SFXN5: variants seen among roughly 807,000 people sequenced by gnomAD.
SFXN5 encodes sideroflexin 5.
A neutral mutation model predicts 50.2 loss-of-function variants in SFXN5; 43 were observed. The ratio of observed to expected loss-of-function variants is 0.86; its 90% CI spans 0.67 to 1.11. The LOEUF (loss-of-function observed/expected upper bound fraction) is 1.11, where lower values mean the gene tolerates loss of function less well. Among genes scored for constraint, SFXN5 ranks in the 50% least tolerant of loss-of-function variants. The probability of loss-of-function intolerance (pLI) is 0.00; values close to 1 mark genes in which losing one functional copy is unlikely to be tolerated. For synonymous variants in SFXN5, 203 were observed against 185.8 expected, an observed-to-expected ratio of 1.09 and a Z score of -0.75; for missense variants, 463 against 454.1, an observed-to-expected ratio of 1.02 and a Z score of -0.18.
rs900010337 is a variant in SFXN5, at chr2:72,961,590, G to A, written c.828-342C>T. ...CCTATGTGGGAGAGACACTCAAAGAGGCTGTCGGCCCCTGTTCCTGGGGAG... is the reference window on the plus strand; with the variant it reads ...CCTATGTGGGAGAGACACTCAAAGAAGCTGTCGGCCCCTGTTCCTGGGGAG... On this transcript the variant is annotated intron_variant, in intron 12 of 13. Coordinates refer to ENST00000272433, the MANE Select transcript of SFXN5 (RefSeq NM_144579.3). This position sits in a 1 kb window ranked among gnomAD's most constrained non-coding sequence, Gnocchi z 4.4. Among the ~76,000 whole-genome samples, 8 of 152,216 alleles carry A rather than the reference G, an allele frequency of 5.3e-5. No individual in the cohort carries two copies. Among genetic ancestry groups the A allele is most frequent in the Non-Finnish European group, 1.0e-4 (7 of 68,036 alleles).
chr2:73,059,878 T>A (rs1682608691), intron 1 of SFXN5: 1 of 907,770 alleles, frequency 1.1e-6, no homozygotes, highest in Non-Finnish European at 1.3e-6. Flanking sequence ...TCTGGTCAGG[T>A]GTACATACCA....
At chr2:73,071,482 G>T in intron 1 of SFXN5, 122 bp downstream of exon 1, 1 of 842,502 alleles carries the variant, frequency 1.2e-6, no homozygotes, top group Non-Finnish European at 1.8e-6. Context: ...CCCCCCTGGC[G>T]CTAGCTGCAG....
intron 3 of SFXN5, among the ~76,000 whole-genome samples, chr2:73,034,859 C>A (rs1678764306): frequency 6.6e-6 from 1 of 152,238 alleles, no homozygotes; most frequent in Admixed American, 6.5e-5. Context: ...ATGCATCCAG[C>A]ATCTCTGCCT....
At chr2:72,948,999 C>T (rs1326557623) in intron 13 of SFXN5, among the ~76,000 whole-genome samples, 2 of 152,022 alleles carry the variant, frequency 1.3e-5, no homozygotes, top group African/African-American at 4.8e-5. Context: ...GCCATGGCAA[C>T]TGGGGAGGGG....
In SFXN5 at chr2:72,945,010, C is replaced by T. The variant is rs199606638; in HGVS notation, c.*12G>A. The stretch of plus-strand genomic sequence containing the variant: ...GCTGCACAGTGCTCCGTCCCCAGGC[C>T]GCTGACCACACTCACAACCCCTTGT... On this transcript the variant is annotated 3_prime_UTR_variant, in exon 14 of 14. Coordinates refer to ENST00000272433, the MANE Select transcript of SFXN5 (RefSeq NM_144579.3). This position sits in a 1 kb window ranked among gnomAD's most constrained non-coding sequence, Gnocchi z 5.8. The T allele has an allele frequency of 6.1e-5, 98 of 1,612,744 alleles. 1 individual carries two copies. The highest frequency in any genetic ancestry group is 3.6e-4 in the East Asian group (16 of 44,866).
intron 3 of SFXN5, among the ~76,000 whole-genome samples, chr2:73,027,956 C>A (rs926897428): frequency 1.3e-5 from 2 of 152,226 alleles, no homozygotes; most frequent in Non-Finnish European, 1.5e-5. Flanking sequence ...GCCACCGTGC[C>A]TGGCCCCATC....
rs1574187719 is a variant in SFXN5 at position 73,036,420 on chromosome 2, G to A, written c.249+4434C>T. On this transcript the variant is annotated intron_variant, in intron 3 of 13. Coordinates refer to ENST00000272433, the MANE Select transcript of SFXN5 (RefSeq NM_144579.3). ...GGCAGGCTCACACCTAGAGCACTGTGCTACCCAGCCACCAGATGGACACTG... is the reference window on the plus strand; with the variant it reads ...GGCAGGCTCACACCTAGAGCACTGTACTACCCAGCCACCAGATGGACACTG... Among the ~76,000 whole-genome samples the A allele has an allele frequency of 3.9e-5, 6 of 152,240 alleles. No homozygotes were observed. In the South Asian group the frequency reaches 1.2e-3, roughly 32 times the overall value.
At chr2:73,066,594 C>A (rs764318337) in intron 1 of SFXN5, among the ~76,000 whole-genome samples, 14 of 151,790 alleles carry the variant, frequency 9.2e-5, no homozygotes, top group Non-Finnish European at 1.6e-4. Context: ...AGAGAAATAC[C>A]CAAAGGTAAT....
rs1271954940 is a variant in SFXN5, at chr2:72,945,015, A to G, written c.*7T>C. On this transcript the variant is annotated 3_prime_UTR_variant, in exon 14 of 14. Coordinates refer to ENST00000272433, the MANE Select transcript of SFXN5 (RefSeq NM_144579.3). This position sits in a 1 kb window ranked among gnomAD's most constrained non-coding sequence, Gnocchi z 5.8. ...ACAGTGCTCCGTCCCCAGGCCGCTGACCACACTCACAACCCCTTGTTGTAC... is the reference window on the plus strand; with the variant it reads ...ACAGTGCTCCGTCCCCAGGCCGCTGGCCACACTCACAACCCCTTGTTGTAC... 6.8e-6 allele frequency: 11 copies of G among 1,613,272 alleles called. No individual in the cohort carries two copies. The South Asian group carries it at 1.2e-4, about 18-fold the overall frequency.
chr2:73,067,818 T>C (rs762227565), intron 1 of SFXN5, among the ~76,000 whole-genome samples: 7 of 152,224 alleles, frequency 4.6e-5, no homozygotes, highest in Non-Finnish European at 7.3e-5. Context: ...TAATAAAAAG[T>C]TGACAACAAA....
chr2:73,067,278 C>T (rs937875863), intron 1 of SFXN5, among the ~76,000 whole-genome samples: 5 of 152,192 alleles, frequency 3.3e-5, no homozygotes, highest in Non-Finnish European at 5.9e-5. Context: ...GTCTGAGAAA[C>T]TATCCCAGGT....
intron 3 of SFXN5, among the ~76,000 whole-genome samples, chr2:73,035,566 C>A (rs1678865961): frequency 1.5e-5 from 2 of 131,548 alleles, no homozygotes; most frequent in Non-Finnish European, 3.1e-5. Context: ...GTGCTGTGAT[C>A]TCGGCTCACT....
At chr2:73,023,103 G>A (rs895742104) in intron 4 of SFXN5, 85 bp downstream of exon 4, 1 of 1,377,632 alleles carries the variant, frequency 7.3e-7, no homozygotes, top group Non-Finnish European at 1.0e-6. Context: ...CACCGGAGGG[G>A]GGCTTCCACT....
At chr2:72,980,614 C>G (rs1411152278) in intron 10 of SFXN5, among the ~76,000 whole-genome samples, 1 of 152,150 alleles carries the variant, frequency 6.6e-6, no homozygotes, top group East Asian at 1.9e-4. Flanking sequence ...GAAAAATCAG[C>G]CTGTAAGTCT....
intron 13 of SFXN5, among the ~76,000 whole-genome samples, chr2:72,959,414 GC>G (rs1384723410): frequency 2.6e-5 from 4 of 152,070 alleles, no homozygotes; most frequent in Non-Finnish European, 5.9e-5. Flanking sequence ...AACAGGCCCG[GC>G]TGCACTCCCA....
At chr2:72,952,055 T>G (rs972452167) in intron 13 of SFXN5, among the ~76,000 whole-genome samples, 1 of 152,224 alleles carries the variant, frequency 6.6e-6, no homozygotes, top group African/African-American at 2.4e-5. Flanking sequence ...TGGGGAGCAG[T>G]TGAGGCCTAA....
intron 9 of SFXN5, among the ~76,000 whole-genome samples, chr2:72,990,413 G>A (rs1173574219): frequency 1.3e-5 from 2 of 152,146 alleles, no homozygotes; most frequent in Non-Finnish European, 2.9e-5. Context: ...TCAAGTCCAG[G>A]AGCGAGTGAC....
intron 1 of SFXN5, among the ~76,000 whole-genome samples, chr2:73,062,855 A>T (rs1481478302): frequency 6.6e-6 from 1 of 152,210 alleles, no homozygotes. Context: ...GGATGAGTTT[A>T]CCTAGCAGAG....
chr2:72,990,184 T>A (rs990709852), intron 9 of SFXN5, among the ~76,000 whole-genome samples: 1 of 152,226 alleles, frequency 6.6e-6, no homozygotes, highest in Admixed American at 6.5e-5. Flanking sequence ...GAGTACTTCC[T>A]GGCATGCCCA....
Sources: allele counts gnomAD v4.1 joint callset (sites outside exome capture counted in the v4.1 genomes callset), GRCh38; gene constraint gnomAD v4.1.1; non-coding constraint Gnocchi (gnomAD v3.1); transcripts MANE v1.5; gene names NCBI Gene and HGNC (gene_info 2026-07-23, HGNC 2026-07-21).